NRXN3: variants seen among roughly 807,000 people sequenced by gnomAD.
NRXN3 encodes the protein neurexin III.
In NRXN3, 32 loss-of-function variants were observed where a neutral mutation model predicts 137.6. The observed-to-expected ratio is 0.23, with a 90% CI of 0.18 to 0.31. The LOEUF (loss-of-function observed/expected upper bound fraction) is 0.31, where lower values mean the gene tolerates loss of function less well. Among genes scored for constraint, NRXN3 ranks in the 10% least tolerant of loss-of-function variants. The pLI is 1.00. For synonymous variants in NRXN3, 798 were observed against 784.5 expected (o/e 1.02, Z -0.29); for missense variants, 1,574 against 2,062.5 (o/e 0.76, Z 4.59).
intron 16 of NRXN3, among the ~76,000 whole-genome samples, chr14:79,472,851 A>G (rs2096526909): frequency 6.6e-6 from 1 of 152,200 alleles, no homozygotes; most frequent in African/African-American, 2.4e-5. Flanking sequence ...TATTACTATC[A>G]TGAAACTCTT....
intron 15 of NRXN3, among the ~76,000 whole-genome samples, chr14:79,185,567 G>A (rs557184474): frequency 3.3e-5 from 5 of 151,134 alleles, no homozygotes; most frequent in East Asian, 2.0e-4. Context: ...CTGGGTTCAC[G>A]CCATTCTCCT....
chr14:79,284,890 G>A (rs2081995172), intron 15 of NRXN3, among the ~76,000 whole-genome samples: 1 of 152,170 alleles, frequency 6.6e-6, no homozygotes, highest in Non-Finnish European at 1.5e-5. Context: ...ATAATTCATA[G>A]TGTTGGTTGA....
chr14:78,624,494 G>T (rs1457480992), intron 4 of NRXN3, among the ~76,000 whole-genome samples: 1 of 152,220 alleles, frequency 6.6e-6, no homozygotes. Flanking sequence ...GAGGGGGGCG[G>T]TATGCCCACT....
intron 4 of NRXN3, among the ~76,000 whole-genome samples, chr14:78,522,889 A>G (rs1599840838): frequency 6.6e-6 from 1 of 152,224 alleles, no homozygotes; most frequent in East Asian, 1.9e-4. Context: ...AGGGAAAAAT[A>G]GAGAATCAAT....
chr14:78,203,839 GTTTGTGTGTGT>G (rs1182433961), intron 1 of NRXN3, among the ~76,000 whole-genome samples: 5 of 78,144 alleles, frequency 6.4e-5, no homozygotes, highest in African/African-American at 3.2e-4. Context: ...TGTGTGTGTG[GTTTGTGTGTGT>G]GTGTGGTTTG....
chr14:79,827,482 T>C (rs1248729491), intron 20 of NRXN3, among the ~76,000 whole-genome samples: 1 of 152,162 alleles, frequency 6.6e-6, no homozygotes, highest in Non-Finnish European at 1.5e-5. Context: ...TGTTAGGCTA[T>C]TCTTGCATTG....
intron 15 of NRXN3, among the ~76,000 whole-genome samples, chr14:79,024,719 C>T (rs1205154418): frequency 6.6e-6 from 1 of 152,030 alleles, no homozygotes; most frequent in Non-Finnish European, 1.5e-5. Flanking sequence ...TGATTATCTC[C>T]AAAGCTATCC....
chr14:79,389,234 G>T (rs1252692513), intron 15 of NRXN3, among the ~76,000 whole-genome samples: 1 of 152,162 alleles, frequency 6.6e-6, no homozygotes, highest in African/African-American at 2.4e-5. Flanking sequence ...ATTTCTTATA[G>T]TTCTAGAGGC....
intron 1 of NRXN3, among the ~76,000 whole-genome samples, chr14:78,198,377 TA>T (rs907603343): frequency 5.9e-5 from 9 of 152,228 alleles, no homozygotes; most frequent in Admixed American, 5.2e-4. Context: ...ATTGAGAGCT[TA>T]AAAAAAGATG....
At chr14:79,408,453 A>T (rs1346900416) in intron 15 of NRXN3, among the ~76,000 whole-genome samples, 2 of 152,092 alleles carry the variant, frequency 1.3e-5, no homozygotes, top group Non-Finnish European at 2.9e-5. Flanking sequence ...CTTGCAATTT[A>T]TGTAATATTC....
At chr14:79,608,320 C>G (rs536490548) in intron 16 of NRXN3, among the ~76,000 whole-genome samples, 3 of 152,190 alleles carry the variant, frequency 2.0e-5, no homozygotes, top group African/African-American at 7.2e-5. Context: ...TCATATCTAC[C>G]TAATGCTGTG....
At chr14:78,181,439 G>A (rs2059798786) in intron 1 of NRXN3, among the ~76,000 whole-genome samples, 1 of 152,140 alleles carries the variant, frequency 6.6e-6, no homozygotes, top group African/African-American at 2.4e-5. Flanking sequence ...GACATGGGTT[G>A]CCATGGTCAC....
chr14:78,989,681 T>G (rs2099514573), intron 15 of NRXN3, among the ~76,000 whole-genome samples: 1 of 152,156 alleles, frequency 6.6e-6, no homozygotes, highest in Non-Finnish European at 1.5e-5. Flanking sequence ...TACTATATGC[T>G]CTTTCTTTTT....
chr14:79,618,785 A>G (rs1262862029), intron 16 of NRXN3, among the ~76,000 whole-genome samples: 1 of 152,178 alleles, frequency 6.6e-6, no homozygotes, highest in Non-Finnish European at 1.5e-5. Flanking sequence ...ACTGCTTTCA[A>G]CAGTGTCTGA....
intron 15 of NRXN3, among the ~76,000 whole-genome samples, chr14:79,223,026 A>G (rs770131791): frequency 2.0e-5 from 3 of 152,186 alleles, no homozygotes; most frequent in Admixed American, 6.6e-5. Flanking sequence ...ACAACAATGA[A>G]ATAACCAAAG....
chr14:78,881,465 A>T (rs895967563), intron 10 of NRXN3, among the ~76,000 whole-genome samples: 9 of 151,608 alleles, frequency 5.9e-5, no homozygotes, highest in Non-Finnish European at 2.9e-5. Context: ...GTGGTCTCAG[A>T]TGGAGATGAG....
At chr14:79,017,771 TC>T (rs2099581739) in intron 15 of NRXN3, among the ~76,000 whole-genome samples, 2 of 152,108 alleles carry the variant, frequency 1.3e-5, no homozygotes, top group Admixed American at 1.3e-4. Flanking sequence ...CTGAAACTTC[TC>T]TCCACAGAAG....
chr14:78,392,284 A>T (rs115463454), intron 4 of NRXN3, among the ~76,000 whole-genome samples: 3,089 of 152,290 alleles, frequency 0.02, 92 homozygotes, highest in African/African-American at 0.063. Context: ...GCTCAATGAA[A>T]TATGTGTTTT....
chr14:79,741,667 G>A (rs1038847073), intron 19 of NRXN3, among the ~76,000 whole-genome samples: 2 of 151,902 alleles, frequency 1.3e-5, no homozygotes, highest in Admixed American at 1.3e-4. Flanking sequence ...TGTATTTTTA[G>A]TAGAGATGGG....
Sources: allele counts gnomAD v4.1 joint callset (sites outside exome capture counted in the v4.1 genomes callset), GRCh38; gene constraint gnomAD v4.1.1; transcripts MANE v1.5; gene names NCBI Gene and HGNC (gene_info 2026-07-23, HGNC 2026-07-21).